NAV2: variants seen among roughly 807,000 people sequenced by gnomAD.
The protein encoded by NAV2 is neuron navigator 2, also known as helicase, APC down-regulated 1.
Under a neutral mutation model 223.2 loss-of-function variants are expected in NAV2, and 54 were observed. That is an observed-to-expected ratio of 0.24 (90% confidence interval 0.19 to 0.30). NAV2 has a LOEUF of 0.30. Ranked by LOEUF, NAV2 falls within the 10% of genes least tolerant of loss-of-function variation. NAV2 has a pLI of 1.00. For missense variants in NAV2, 2,806 were observed against 3,147.5 expected (o/e 0.89, Z 2.60); for synonymous variants, 1,279 against 1,239.3 (o/e 1.03, Z -0.67).
At chr11:19,624,634 T>A (rs577132049) in intron 1 of NAV2, among the ~76,000 whole-genome samples, 1 of 152,300 alleles carries the variant, frequency 6.6e-6, no homozygotes, top group Non-Finnish European at 1.5e-5. Flanking sequence ...AGTGACCCAA[T>A]TTTCCTGGTG....
At chr11:19,871,083 T>G (rs2062459108) in intron 4 of NAV2, among the ~76,000 whole-genome samples, 1 of 152,180 alleles carries the variant, frequency 6.6e-6, no homozygotes, top group Admixed American at 6.5e-5. Context: ...TGCTGTGGTA[T>G]CAAGCCATTG....
At chr11:19,368,479 C>T (rs1309475485) in intron 1 of NAV2, among the ~76,000 whole-genome samples, 1 of 152,146 alleles carries the variant, frequency 6.6e-6, no homozygotes, top group Non-Finnish European at 1.5e-5. Flanking sequence ...GTGTGTGTGG[C>T]CTTGGAAGAG....
At chr11:19,988,963 T>C (rs2051060118) in intron 11 of NAV2, among the ~76,000 whole-genome samples, 1 of 152,180 alleles carries the variant, frequency 6.6e-6, no homozygotes, top group African/African-American at 2.4e-5. Flanking sequence ...CAGATGCAAT[T>C]GGCGCCCTTA....
intron 2 of NAV2, 105 bp from the exon 3 acceptor site, chr11:19,842,766 C>A: frequency 4.1e-6 from 4 of 977,592 alleles, no homozygotes; most frequent in East Asian, 2.5e-5. Flanking sequence ...ATTGGACAAA[C>A]CCTGGTATGG....
At chr11:19,996,526 A>G (rs776186123) in intron 11 of NAV2, among the ~76,000 whole-genome samples, 1 of 152,196 alleles carries the variant, frequency 6.6e-6, no homozygotes, top group Non-Finnish European at 1.5e-5. Context: ...CTGTGAGTAT[A>G]ATATTTTTCT....
At chr11:19,535,091 A>G (rs1045334648) in intron 1 of NAV2, among the ~76,000 whole-genome samples, 5 of 152,190 alleles carry the variant, frequency 3.3e-5, no homozygotes, top group African/African-American at 9.7e-5. Context: ...TTTTCCAAGC[A>G]AATGAAGGAC....
intron 6 of NAV2, among the ~76,000 whole-genome samples, chr11:19,927,521 G>A (rs569522109): frequency 1.3e-4 from 20 of 152,314 alleles, no homozygotes; most frequent in African/African-American, 3.8e-4. Context: ...GGTGGAGGTT[G>A]CAGTGAGCAC....
chr11:20,077,913 GTGTTGAAGCC>G, intron 23 of NAV2, 70 bp from the exon 24 acceptor site: 1 of 1,138,102 alleles, frequency 8.8e-7, no homozygotes, highest in Non-Finnish European at 1.3e-6. Context: ...CGCTCCTCCT[GTGTTGAAGCC>G]AAGTTGTACT....
intron 12 of NAV2, among the ~76,000 whole-genome samples, chr11:20,041,412 A>G (rs2056904004): frequency 6.6e-6 from 1 of 152,224 alleles, no homozygotes; most frequent in African/African-American, 2.4e-5. Flanking sequence ...AATGATACAT[A>G]TCAAACACTT....
intron 11 of NAV2, among the ~76,000 whole-genome samples, chr11:19,994,200 CA>C (rs2051631079): frequency 6.6e-6 from 1 of 152,204 alleles, no homozygotes; most frequent in Admixed American, 6.5e-5. Context: ...CTTATCTCAT[CA>C]ACCATTTGGG....
At chr11:19,917,877 A>G (rs2043941233) in intron 6 of NAV2, among the ~76,000 whole-genome samples, 2 of 152,240 alleles carry the variant, frequency 1.3e-5, no homozygotes, top group African/African-American at 2.4e-5. Context: ...TTGGCCTCCA[A>G]AAGTGCTGGG....
At chr11:19,439,612 A>G (rs1851329774) in intron 1 of NAV2, among the ~76,000 whole-genome samples, 1 of 152,240 alleles carries the variant, frequency 6.6e-6, no homozygotes, top group South Asian at 2.1e-4. Context: ...AATAGGCCCA[A>G]CATGATACCT....
intron 1 of NAV2, among the ~76,000 whole-genome samples, chr11:19,671,351 A>C (rs984434574): frequency 1.3e-5 from 2 of 152,088 alleles, no homozygotes; most frequent in Admixed American, 1.3e-4. Context: ...TTCTTATTTC[A>C]TGTAGTTTTT....
chr11:19,697,364 C>G (rs2049374809), intron 1 of NAV2, among the ~76,000 whole-genome samples: 1 of 151,954 alleles, frequency 6.6e-6, no homozygotes, highest in Non-Finnish European at 1.5e-5. Flanking sequence ...CGTTGAGACC[C>G]CAAGCCTCTG....
chr11:19,903,895 C>T (rs895955457), intron 6 of NAV2, among the ~76,000 whole-genome samples: 1 of 152,170 alleles, frequency 6.6e-6, no homozygotes, highest in African/African-American at 2.4e-5. Flanking sequence ...AGAAAACCCA[C>T]AGTGTGGGTG....
At chr11:19,561,774 C>A (rs1192523790) in intron 1 of NAV2, among the ~76,000 whole-genome samples, 2 of 152,268 alleles carry the variant, frequency 1.3e-5, no homozygotes, top group Non-Finnish European at 2.9e-5. Context: ...TGTTTTAACC[C>A]CCTTGAGGCT....
At position 19,713,490 on chromosome 11, in the gene NAV2, TC is replaced by T; in HGVS notation, c.-201del. On this transcript the variant is annotated 5_prime_UTR_variant, in exon 1 of 38. Transcript: ENST00000349880. This position sits in a 1 kb window ranked among gnomAD's most constrained non-coding sequence, Gnocchi z 7.2. ...GGGACCCGCTGAGCGCCGTGGCCAG[TC>T]CCCCATTCCCATCCCGGCACCCCAA... The T allele has an allele frequency of 1.5e-6, 2 of 1,356,504 alleles. No homozygotes were observed. Among genetic ancestry groups the T allele is most frequent in the East Asian group, 2.8e-5 (1 of 35,904 alleles). 84.0% of individuals were successfully genotyped at this position (1,356,504 alleles called of 1,614,324 possible).
At chr11:19,919,518 G>A (rs2044091360) in intron 6 of NAV2, among the ~76,000 whole-genome samples, 1 of 152,186 alleles carries the variant, frequency 6.6e-6, no homozygotes, top group Admixed American at 6.5e-5. Flanking sequence ...CTGGCTCAGA[G>A]TGGGAATATG....
At chr11:19,660,176 G>A (rs537876840) in intron 1 of NAV2, among the ~76,000 whole-genome samples, 253 of 152,232 alleles carry the variant, frequency 1.7e-3, no homozygotes, top group Admixed American at 9.1e-3. Context: ...GTTCAGTGCT[G>A]CAGAAAATAT....
Sources: allele counts gnomAD v4.1 joint callset (sites outside exome capture counted in the v4.1 genomes callset), GRCh38; gene constraint gnomAD v4.1.1; non-coding constraint Gnocchi (gnomAD v3.1); transcripts MANE v1.5; gene names NCBI Gene and HGNC (gene_info 2026-07-23, HGNC 2026-07-21).